HAGH: variants seen among roughly 807,000 people sequenced by gnomAD.
HAGH encodes the protein hydroxyacylglutathione hydrolase, mitochondrial.
HAGH carries 29 observed loss-of-function variants against 35.1 expected under a neutral mutation model. That is an observed-to-expected ratio of 0.83 (90% confidence interval 0.62 to 1.13). The LOEUF is 1.13. HAGH is among the 50% of genes most tolerant of loss of function. The pLI, the probability that HAGH is intolerant of heterozygous loss-of-function variation, is 0.00. For missense variants in HAGH, 478 were observed against 419.6 expected (o/e 1.14, Z -1.22); for synonymous variants, 225 against 176.1 (o/e 1.28, Z -2.20).
rs1898223856 is a variant in HAGH at position 1,822,988 on chromosome 16, C to T, written c.126G>A (p.Leu42=). 1 of 1,613,826 alleles carries T rather than the reference C, an allele frequency of 6.2e-7. No individual in the cohort carries two copies. The highest frequency in any genetic ancestry group is 8.5e-7 in the Non-Finnish European group (1 of 1,180,006). The change falls in exon 2 of 9, where the codon CTG becomes CTA. Residue 42 remains leucine, a synonymous_variant. Transcript: ENST00000397356. ...VFCHTDLRKN[L]TVDEGTMKVE... The stretch of plus-strand genomic sequence containing the variant: ...CCTTCATGGTGCCCTCGTCCACGGT[C>T]AGGTTCTTCCGCAAATCTGTGTGGC...
intron 5 of HAGH, 64 bp from the exon 6 acceptor site, chr16:1,817,335 G>A (rs867932580): frequency 9.6e-7 from 1 of 1,037,112 alleles, no homozygotes; most frequent in Non-Finnish European, 1.5e-6. Context: ...CTCAGGAGGG[G>A]GCCAGGAGCA....
At chr16:1,825,059 C>T (rs1898335869) in intron 1 of HAGH, among the ~76,000 whole-genome samples, 1 of 152,248 alleles carries the variant, frequency 6.6e-6, no homozygotes, top group African/African-American at 2.4e-5. Context: ...TGGCTCACGC[C>T]TGTCATCCCA....
intron 1 of HAGH, among the ~76,000 whole-genome samples, chr16:1,825,662 C>T (rs1371225540): frequency 6.6e-6 from 1 of 152,190 alleles, no homozygotes; most frequent in East Asian, 1.9e-4. Context: ...CAGCCTCGAC[C>T]TCCTGGACTC....
At chr16:1,821,954 T>G (rs202157825) in intron 3 of HAGH, 7,431 of 159,916 alleles carry the variant, frequency 0.046, 472 homozygotes, top group African/African-American at 0.15. Context: ...GTTTTTTTGT[T>G]TTTTTTTTTT....
chr16:1,813,467 C>T (rs913687585), intron 7 of HAGH, among the ~76,000 whole-genome samples: 1 of 152,200 alleles, frequency 6.6e-6, no homozygotes, highest in African/African-American at 2.4e-5. Flanking sequence ...TACGCATCCA[C>T]TGTATTTATA....
At chr16:1,817,077 G>T in intron 6 of HAGH, 83 bp from the exon 7 acceptor site, 8 of 1,332,324 alleles carry the variant, frequency 6.0e-6, no homozygotes, top group South Asian at 1.2e-5. Flanking sequence ...ATGCCCCCGG[G>T]GGGTGTCCGG....
chr16:1,826,990 G>GCGC, upstream of HAGH: 1 of 640,218 alleles, frequency 1.6e-6, no homozygotes, highest in South Asian at 2.7e-5. Context: ...ACGGGCCTGG[G>GCGC]AGCGGCGGCG....
chr16:1,815,918 CT>C lies in HAGH; in HGVS notation c.747+974del, dbSNP rs1897869607. On this transcript the variant is annotated intron_variant, in intron 7 of 8. Coordinates refer to ENST00000397356, the MANE Select transcript of HAGH (RefSeq NM_005326.6). ...CCTGTAATCCCAGCTACTCAAGAGG[CT>C]GAGGCAGGGAGAATTTTTTTTTTTT... Among the ~76,000 whole-genome samples the C allele has an allele frequency of 2.0e-5, 3 of 147,152 alleles. No homozygotes were observed. In the South Asian group the frequency reaches 6.5e-4, roughly 32 times the overall value.
chr16:1,822,138 T>A, intron 3 of HAGH, 162 bp downstream of exon 3: 1 of 615,724 alleles, frequency 1.6e-6, no homozygotes, highest in Non-Finnish European at 3.0e-6. Context: ...ACTTGCCCCT[T>A]GGGGGCTACG....
At chr16:1,822,141 G>C (rs1898179290) in intron 3 of HAGH, 159 bp downstream of exon 3, 1 of 620,996 alleles carries the variant, frequency 1.6e-6, no homozygotes, top group Middle Eastern at 3.3e-4. Flanking sequence ...TGCCCCTTGG[G>C]GGCTACGGTG....
chr16:1,809,904 C>A (rs1186794660), intron 7 of HAGH, 71 bp from the exon 8 acceptor site: 2 of 1,135,360 alleles, frequency 1.8e-6, no homozygotes, highest in South Asian at 1.2e-5. Context: ...AGGCTCACGT[C>A]TGTGATACCA....
intron 1 of HAGH, among the ~76,000 whole-genome samples, chr16:1,826,221 C>G (rs1898407471): frequency 6.6e-6 from 1 of 151,888 alleles, no homozygotes; most frequent in Non-Finnish European, 1.5e-5. Flanking sequence ...GGCCGCGCGA[C>G]CACCTCGGGC....
At chr16:1,823,192 G>A (rs1898233159) in intron 1 of HAGH, among the ~76,000 whole-genome samples, 155 bp from the exon 2 acceptor site, 1 of 152,186 alleles carries the variant, frequency 6.6e-6, no homozygotes, top group Non-Finnish European at 1.5e-5. Flanking sequence ...AGCGCTTTAA[G>A]AGACTGAGAT....
In HAGH at chr16:1,817,171, G is replaced by GT; in HGVS notation, c.641dup (p.Asp214GlufsTer73). The stretch of plus-strand genomic sequence containing the variant: ...CCCGCAGGGAGGCGCTGCCTACTGT[G>GT]TCCGGGGGGAGCCGGCCCAAGACCT... On this transcript the variant is annotated frameshift_variant, in exon 6 of 9. Coordinates refer to ENST00000397356, the MANE Select transcript of HAGH (RefSeq NM_005326.6). LOFTEE classifies it high-confidence loss of function. The GT allele has an allele frequency of 6.2e-7, 1 of 1,602,160 alleles. No homozygotes were observed. The highest frequency in any genetic ancestry group is 1.3e-5 in the African/African-American group (1 of 74,818).
intron 7 of HAGH, 36 bp from the exon 8 acceptor site, chr16:1,809,869 T>C (rs1156462854): frequency 6.6e-6 from 10 of 1,524,338 alleles, no homozygotes; most frequent in Non-Finnish European, 9.1e-6. Flanking sequence ...CACGGGAACT[T>C]CACAGGATGG....
At chr16:1,818,056 A>G (rs1466955096) in intron 5 of HAGH, among the ~76,000 whole-genome samples, 2 of 152,198 alleles carry the variant, frequency 1.3e-5, no homozygotes, top group East Asian at 3.9e-4. Context: ...GTTCCCCTGA[A>G]GGGCCCTAGA....
At chr16:1,824,041 C>T (rs943300079) in intron 1 of HAGH, among the ~76,000 whole-genome samples, 2 of 152,134 alleles carry the variant, frequency 1.3e-5, no homozygotes, top group Non-Finnish European at 2.9e-5. Flanking sequence ...GCTGCCACCA[C>T]TGACTAAGCG....
At position 1,819,215 on chromosome 16, in the gene HAGH, A is replaced by G. The variant is rs1172224840; in HGVS notation, c.441T>C (p.Ser147=). ...GGGTCGCCAGGCACTTGACGTTCAG[A>G]GACCCCACCTTCAACAAAGCAGGCG... is the stretch of plus-strand genomic sequence containing the variant. ...ITHLSTLQVG[S]LNVKCLATPC... The change falls in exon 5 of 9, where the codon TCT becomes TCC. Residue 147 remains serine (S), a synonymous_variant. Transcript: ENST00000397356. 6.2e-7 allele frequency: 1 copy of G among 1,607,418 alleles called. No homozygotes were observed. The highest frequency in any genetic ancestry group is 1.1e-5 in the South Asian group (1 of 90,780).
In HAGH at chr16:1,821,952, G is replaced by GTTT. The variant is rs1167899761; in HGVS notation, c.314+345_314+347dup. 8.8e-4 allele frequency: 93 copies of GTTT among 105,178 alleles called. 1 individual carries two copies. Among genetic ancestry groups the GTTT allele is most frequent in the Non-Finnish European group, 1.3e-3 (64 of 48,292 alleles). 6.5% of individuals were successfully genotyped at this position (105,178 alleles called of 1,614,324 possible). ...GCTGCTTGTTTTTTTTTGTTTTTTT[G>GTTT]TTTTTTTTTTTTTTAAAAACCACTC... On this transcript the variant is annotated intron_variant, in intron 3 of 8. Transcript: ENST00000397356.
Sources: allele counts gnomAD v4.1 joint callset (sites outside exome capture counted in the v4.1 genomes callset), GRCh38; gene constraint gnomAD v4.1.1; transcripts MANE v1.5; gene names NCBI Gene and HGNC (gene_info 2026-07-23, HGNC 2026-07-21).